The following ATF7IP variants were observed in gnomAD, a reference collection of about 807,000 sequenced individuals.
ATF7IP encodes the protein activating transcription factor 7 interacting protein.
ATF7IP carries 23 observed loss-of-function variants against 106.4 expected under a neutral mutation model. That is an observed-to-expected ratio of 0.22 (90% CI 0.16 to 0.31). The LOEUF (loss-of-function observed/expected upper bound fraction) is 0.31, where lower values mean the gene tolerates loss of function less well. ATF7IP is among the 10% of genes least tolerant of loss of function. ATF7IP has a pLI of 1.00. For synonymous variants in ATF7IP, 542 were observed against 539.0 expected (o/e 1.01, Z -0.08); for missense variants, 1,334 against 1,524.3 (o/e 0.88, Z 2.08).
At chr12:14,371,487 T>C (rs1938531217) in intron 1 of ATF7IP, among the ~76,000 whole-genome samples, 1 of 152,114 alleles carries the variant, frequency 6.6e-6, no homozygotes, top group South Asian at 2.1e-4. Context: ...GGTTTATTAT[T>C]ATACTTGGTT....
chr12:14,461,106 C>G lies in ATF7IP; in HGVS notation c.2770C>G (p.Gln924Glu), dbSNP rs1055848110. 23 of 1,613,650 alleles carry G rather than the reference C, an allele frequency of 1.4e-5. No individual in the cohort carries two copies. The highest frequency in any genetic ancestry group is 1.9e-5 in the Non-Finnish European group (23 of 1,179,710). Residue 924 changes from glutamine to glutamate, a missense_variant, in exon 9 of 15, where the codon CAG becomes GAG. Gln to Glu is a conservative substitution (Grantham distance 29). Around this residue, in one of 10 missense-constraint regions of ATF7IP, gnomAD observed 370 missense variants for 401.2 expected, o/e 0.92. Coordinates refer to ENST00000261168, the MANE Select transcript of ATF7IP (RefSeq NM_018179.5). Reference protein sequence around the residue: ...SAFSTSSAAEQNSNTTPRIEN... With the variant: ...SAFSTSSAAEENSNTTPRIEN... The stretch of plus-strand genomic sequence containing the variant: ...ATTTAGTACTTCGTCTGCTGCAGAA[C>G]AGAACAGCAATACCACCCCAAGAAT...
chr12:14,440,412 T>G (rs1334524787), intron 5 of ATF7IP, among the ~76,000 whole-genome samples: 1 of 152,188 alleles, frequency 6.6e-6, no homozygotes, highest in Admixed American at 6.5e-5. Context: ...ATTTTTAAAA[T>G]TTTTAAATTT....
chr12:14,479,996 TAA>T (rs1944383904), intron 12 of ATF7IP, among the ~76,000 whole-genome samples: 2 of 151,952 alleles, frequency 1.3e-5, no homozygotes, highest in South Asian at 4.1e-4. Context: ...GAATGGGGAG[TAA>T]AGAGATGAAA....
intron 13 of ATF7IP, among the ~76,000 whole-genome samples, chr12:14,484,916 C>A (rs1197156575): frequency 6.6e-6 from 1 of 152,150 alleles, no homozygotes; most frequent in African/African-American, 2.4e-5. Flanking sequence ...CACATGGTGA[C>A]TTGATGACCC....
intron 1 of ATF7IP, among the ~76,000 whole-genome samples, chr12:14,403,523 G>C (rs1031400921): frequency 4.6e-5 from 7 of 152,244 alleles, no homozygotes; most frequent in African/African-American, 1.4e-4. Flanking sequence ...ATTGATTGTT[G>C]TGCTGTTAAC....
chr12:14,401,353 C>T (rs548590992), intron 1 of ATF7IP, among the ~76,000 whole-genome samples: 6 of 152,022 alleles, frequency 3.9e-5, no homozygotes, highest in East Asian at 3.9e-4. Context: ...TCTGCCACCA[C>T]GCCCGGCTAA....
intron 2 of ATF7IP, among the ~76,000 whole-genome samples, chr12:14,429,070 C>A (rs1391797919): frequency 6.6e-6 from 1 of 152,140 alleles, no homozygotes. Context: ...TCTTTCCTTT[C>A]TTTTAGTGCC....
intron 1 of ATF7IP, among the ~76,000 whole-genome samples, chr12:14,385,886 A>G (rs1431811622): frequency 6.6e-6 from 1 of 152,100 alleles, no homozygotes; most frequent in African/African-American, 2.4e-5. Flanking sequence ...AATTTTTAAT[A>G]CTGTCCAAAA....
chr12:14,412,800 G>A (rs1940994597), intron 1 of ATF7IP, among the ~76,000 whole-genome samples: 1 of 152,052 alleles, frequency 6.6e-6, no homozygotes, highest in Admixed American at 6.5e-5. Context: ...GATCACCTGA[G>A]CTTGGCAGTT....
intron 1 of ATF7IP, among the ~76,000 whole-genome samples, chr12:14,417,735 C>T (rs568440861): frequency 3.1e-4 from 47 of 152,152 alleles, no homozygotes; most frequent in African/African-American, 1.1e-3. Context: ...ATATTTAATG[C>T]GTGTTACGTG....
At chr12:14,422,312 TACACACAC>T (rs59503201) in intron 1 of ATF7IP, among the ~76,000 whole-genome samples, 15,475 of 142,176 alleles carry the variant, frequency 0.11, 950 homozygotes, top group Admixed American at 0.19. Context: ...AAAAAGAGAA[TACACACAC>T]ACACACACAC....
intron 1 of ATF7IP, among the ~76,000 whole-genome samples, chr12:14,378,815 A>G (rs1280820132): frequency 1.3e-5 from 2 of 152,204 alleles, no homozygotes; most frequent in African/African-American, 2.4e-5. Context: ...AGTCTCTTCC[A>G]TGTAAATAGC....
chr12:14,415,612 A>G (rs962303002), intron 1 of ATF7IP, among the ~76,000 whole-genome samples: 1 of 151,864 alleles, frequency 6.6e-6, no homozygotes, highest in Non-Finnish European at 1.5e-5. Flanking sequence ...AATTTGTGAA[A>G]GTGTCAAATA....
chr12:14,394,948 T>C (rs537804898), intron 1 of ATF7IP: 1 of 152,314 alleles, frequency 6.6e-6, no homozygotes, highest in South Asian at 2.1e-4. Context: ...TTTGAAGATA[T>C]ACTCTGTGTG....
chr12:14,397,449 A>G (rs1357483624), intron 1 of ATF7IP, among the ~76,000 whole-genome samples: 1 of 152,228 alleles, frequency 6.6e-6, no homozygotes, highest in Non-Finnish European at 1.5e-5. Flanking sequence ...TTCCTGACAG[A>G]TAATTATCTA....
At chr12:14,493,619 C>T (rs1944901948) in intron 13 of ATF7IP, among the ~76,000 whole-genome samples, 1 of 152,184 alleles carries the variant, frequency 6.6e-6, no homozygotes. Context: ...AATTTACAAA[C>T]TCAGTGTCCC....
chr12:14,423,577 T>C (rs1326714729), intron 1 of ATF7IP, among the ~76,000 whole-genome samples: 1 of 138,958 alleles, frequency 7.2e-6, no homozygotes, highest in African/African-American at 2.6e-5. Context: ...TCAGGTACTT[T>C]TTTTTTTTTT....
chr12:14,487,281 T>C (rs987603219), intron 13 of ATF7IP, among the ~76,000 whole-genome samples: 7 of 149,852 alleles, frequency 4.7e-5, no homozygotes, highest in African/African-American at 1.8e-4. Context: ...TTTCTGTTTA[T>C]GTAAATTAGA....
Position 14,424,540 on chromosome 12 carries a change from C to A in ATF7IP, c.625C>A (p.Pro209Thr). The change falls in exon 2 of 15, where the codon CCC becomes ACC. Residue 209 changes from proline to threonine, a missense_variant. Transcript: ENST00000261168. ...CTCTGGTGATCCCACCTCTAGTGAT[C>A]CCATCCCAGGTGAACCGGTCCCTGT... ...LSSGDPTSSD[P>T]IPGEPVPVEP... 1.2e-6 allele frequency: 2 copies of A among 1,614,194 alleles called. No homozygotes were observed. Among genetic ancestry groups the A allele is most frequent in the Non-Finnish European group, 1.7e-6 (2 of 1,180,032 alleles).
Sources: gnomAD v4.1 joint callset for allele counts (sites outside exome capture counted in the v4.1 genomes callset) on GRCh38, gnomAD v4.1.1 for gene constraint, gnomAD v4.1.1 regional missense constraint, MANE v1.5 for transcripts, NCBI Gene and HGNC (gene_info 2026-07-23, HGNC 2026-07-21) for gene names.